Variants in ACER1 observed in about 807,000 individuals in gnomAD.
ACER1 encodes the protein CTB-180A7.3.
A neutral mutation model predicts 24.9 loss-of-function variants in ACER1; 28 were observed. That is an observed-to-expected ratio of 1.13 (90% CI 0.83 to 1.54). ACER1 has a LOEUF of 1.54. Ranked by LOEUF, ACER1 falls within the 40% of genes most tolerant of loss-of-function variation. ACER1 has a pLI of 0.00. For synonymous variants in ACER1, 132 were observed against 131.4 expected (o/e 1.00, Z -0.03); for missense variants, 352 against 349.3 (o/e 1.01, Z -0.06).
chr19:6,355,014 G>A, the ACER1 span, among the ~76,000 whole-genome samples: 15 of 152,248 alleles, frequency 9.9e-5, no homozygotes, highest in African/African-American at 3.1e-4. Context: ...TGGTGGAGAC[G>A]GGGTTTCGCT....
the ACER1 span, among the ~76,000 whole-genome samples, chr19:6,345,694 C>T: frequency 2.7e-5 from 4 of 150,412 alleles, no homozygotes; most frequent in Non-Finnish European, 4.4e-5. Flanking sequence ...CCTCCTGAGT[C>T]GCTGGGATTA....
chr19:6,349,211 T>C, the ACER1 span, among the ~76,000 whole-genome samples: 1 of 151,434 alleles, frequency 6.6e-6, no homozygotes, highest in Non-Finnish European at 1.5e-5. Flanking sequence ...GCTTGGTGGC[T>C]CATGTCTGTA....
At chr19:6,336,661 A>T (rs1373137214), upstream of ACER1, among the ~76,000 whole-genome samples, 1 of 151,892 alleles carries the variant, frequency 6.6e-6, no homozygotes, top group Non-Finnish European at 1.5e-5. Context: ...TCTACTAAAA[A>T]TATAAAAACC....
At chr19:6,358,671 C>G in the ACER1 span, among the ~76,000 whole-genome samples, 4 of 150,292 alleles carry the variant, frequency 2.7e-5, no homozygotes. Context: ...CAGTGGCTCA[C>G]GCCTGTAATC....
chr19:6,356,275 A>G, the ACER1 span, among the ~76,000 whole-genome samples: 2,742 of 148,706 alleles, frequency 0.018, 49 homozygotes, highest in Non-Finnish European at 0.028. Context: ...TGAAGGCAGC[A>G]TGCTGGTTAA....
At chr19:6,312,721 G>T (rs1334106998) in intron 1 of ACER1, among the ~76,000 whole-genome samples, 2 of 149,328 alleles carry the variant, frequency 1.3e-5, no homozygotes, top group African/African-American at 2.5e-5. Context: ...TGTCACTCAG[G>T]CTGGAGCGCA....
chr19:6,353,817 C>G, the ACER1 span, among the ~76,000 whole-genome samples: 4 of 151,108 alleles, frequency 2.6e-5, no homozygotes, highest in South Asian at 2.1e-4. Flanking sequence ...AAGAGCGAAA[C>G]CCCATCTCAT....
chr19:6,342,258 CTTTT>C, the ACER1 span, among the ~76,000 whole-genome samples: 2,188 of 112,136 alleles, frequency 0.02, 62 homozygotes, highest in African/African-American at 0.067. Context: ...TATCCTAGTT[CTTTT>C]TTTTTTTTTT....
At chr19:6,349,808 C>T in the ACER1 span, among the ~76,000 whole-genome samples, 1 of 152,074 alleles carries the variant, frequency 6.6e-6, no homozygotes, top group South Asian at 2.1e-4. Context: ...CCATACATCC[C>T]TTGGCTGGGC....
the ACER1 span, among the ~76,000 whole-genome samples, chr19:6,357,097 T>G: frequency 7.0e-6 from 1 of 142,796 alleles, no homozygotes; most frequent in African/African-American, 2.7e-5. Flanking sequence ...CAGGCTGGAG[T>G]GCAATGGTGT....
intron 3 of ACER1, among the ~76,000 whole-genome samples, chr19:6,311,472 G>A (rs939911476): frequency 6.6e-6 from 1 of 151,966 alleles, no homozygotes; most frequent in Non-Finnish European, 1.5e-5. Flanking sequence ...AACCCTGAAG[G>A]CAGAGGCTGC....
At position 6,307,197 on chromosome 19, in the gene ACER1, G is replaced by A; in HGVS notation, c.582C>T (p.Cys194=). 1.2e-6 allele frequency: 2 copies of A among 1,614,180 alleles called. No individual in the cohort carries two copies. The highest frequency in any genetic ancestry group is 1.7e-6 in the Non-Finnish European group (2 of 1,180,042). The part of the protein sequence containing the change: ...LTSWISDRLL[C]SFWQRIHFFY... ...AGAAATGAATCCTCTGCCAGAAGCTGCAAAGCAGACGGTCACTGATCCAGC... is the reference window on the plus strand; with the variant it reads ...AGAAATGAATCCTCTGCCAGAAGCTACAAAGCAGACGGTCACTGATCCAGC... Residue 194 remains cysteine (C), a synonymous_variant, in exon 5 of 6, where the codon TGC becomes TGT. Transcript: ENST00000301452.
the ACER1 span, among the ~76,000 whole-genome samples, chr19:6,358,950 A>AAAAAAAAG: frequency 6.7e-6 from 1 of 150,276 alleles, no homozygotes; most frequent in African/African-American, 2.5e-5. Flanking sequence ...AAAAAAAAAA[A>AAAAAAAAG]GAGTCCAGCT....
chr19:6,346,565 G>T, the ACER1 span, among the ~76,000 whole-genome samples: 1 of 141,080 alleles, frequency 7.1e-6, no homozygotes, highest in Non-Finnish European at 1.5e-5. Flanking sequence ...CACCCAGGCT[G>T]GAGTGCAGTG....
chr19:6,350,041 G>A, the ACER1 span, among the ~76,000 whole-genome samples: 1 of 152,164 alleles, frequency 6.6e-6, no homozygotes, highest in Non-Finnish European at 1.5e-5. Flanking sequence ...TAAGGCAGGA[G>A]GATCGCTTGA....
chr19:6,329,229 G>A (rs2091675999), intron 1 of ACER1, among the ~76,000 whole-genome samples: 1 of 151,840 alleles, frequency 6.6e-6, no homozygotes. Context: ...TGAACTGTAT[G>A]ATTTATTAGC....
intron 1 of ACER1, among the ~76,000 whole-genome samples, chr19:6,316,967 T>TA: frequency 7.2e-6 from 1 of 139,770 alleles, no homozygotes; most frequent in Admixed American, 7.0e-5. Context: ...TCCCTCCCCA[T>TA]CTTTTTTTTT....
At chr19:6,315,178 C>T (rs1020871585) in intron 1 of ACER1, among the ~76,000 whole-genome samples, 31 of 144,662 alleles carry the variant, frequency 2.1e-4, no homozygotes, top group African/African-American at 7.3e-4. Flanking sequence ...CCACTGCACC[C>T]GGCCTTATTT....
At chr19:6,351,289 C>T in the ACER1 span, among the ~76,000 whole-genome samples, 1 of 151,892 alleles carries the variant, frequency 6.6e-6, no homozygotes, top group Non-Finnish European at 1.5e-5. Context: ...TCACTTGAAC[C>T]TGGGAGGTGG....
Sources: gnomAD v4.1 joint callset for allele counts (sites outside exome capture counted in the v4.1 genomes callset) on GRCh38, gnomAD v4.1.1 for gene constraint, MANE v1.5 for transcripts, NCBI Gene and HGNC (gene_info 2026-07-23, HGNC 2026-07-21) for gene names.